Variants in CDA observed in about 807,000 individuals in gnomAD.
The protein encoded by CDA is cytidine deaminase.
CDA carries 7 observed loss-of-function variants against 15.0 expected under a neutral mutation model. The observed-to-expected ratio is 0.47, with a 90% confidence interval of 0.26 to 0.87. The LOEUF (loss-of-function observed/expected upper bound fraction) is 0.87. CDA is among the 40% of genes least tolerant of loss of function. The probability of loss-of-function intolerance (pLI) is 0.15; values close to 1 mark genes in which losing one functional copy is unlikely to be tolerated. For missense variants in CDA, 159 were observed against 182.7 expected (o/e 0.87, Z 0.75); for synonymous variants, 58 against 73.0 (o/e 0.79, Z 1.05).
At chr1:20,605,166 C>G in intron 2 of CDA, 127 bp downstream of exon 2, 1 of 718,960 alleles carries the variant, frequency 1.4e-6, no homozygotes, top group South Asian at 1.5e-5. Context: ...GTGCCAGGCA[C>G]TGTACAGGGC....
At chr1:20,602,317 C>T (rs1266394378) in intron 1 of CDA, among the ~76,000 whole-genome samples, 1 of 152,158 alleles carries the variant, frequency 6.6e-6, no homozygotes, top group African/African-American at 2.4e-5. Flanking sequence ...GCAAAGTTGT[C>T]CTGGAGACCA....
At chr1:20,602,551 G>A (rs372593564) in intron 1 of CDA, among the ~76,000 whole-genome samples, 59 of 152,294 alleles carry the variant, frequency 3.9e-4, no homozygotes, top group African/African-American at 1.2e-3. Flanking sequence ...AGACTACTGA[G>A]TAGCTGGGAC....
Position 20,618,670 on chromosome 1 carries a change from G to A in CDA, c.*102G>A, listed in dbSNP as rs72553955. ...TGCCCAGTGGGCCCCAGCCCTACAGGGACTGGGCAAAGATGATGTTTCCAG... is the reference window on the plus strand; with the variant it reads ...TGCCCAGTGGGCCCCAGCCCTACAGAGACTGGGCAAAGATGATGTTTCCAG... On this transcript the variant is annotated 3_prime_UTR_variant, in exon 4 of 4. Coordinates refer to ENST00000375071, the MANE Select transcript of CDA (RefSeq NM_001785.3). 440 of 785,588 alleles carry A rather than the reference G, an allele frequency of 5.6e-4. 3 individuals are homozygous for A. The African/African-American group carries it at 6.5e-3, about 12-fold the overall frequency. 48.7% of individuals were successfully genotyped at this position (785,588 alleles called of 1,614,324 possible). A position where few individuals can be genotyped will look rare whatever the true frequency, so the allele number is the denominator to read the frequency against.
At chr1:20,602,169 G>T (rs137869861) in intron 1 of CDA, among the ~76,000 whole-genome samples, 2,056 of 149,586 alleles carry the variant, frequency 0.014, 37 homozygotes, top group African/African-American at 0.048. Context: ...GGGAGGGGAG[G>T]GGAGGGGAGG....
chr1:20,617,093 T>G (rs1163825478), intron 3 of CDA, among the ~76,000 whole-genome samples: 1 of 152,186 alleles, frequency 6.6e-6, no homozygotes, highest in East Asian at 1.9e-4. Context: ...GCTCTTGTCA[T>G]GACACCGCTG....
At chr1:20,591,306 A>T (rs367852392) in intron 1 of CDA, among the ~76,000 whole-genome samples, 91 of 152,034 alleles carry the variant, frequency 6.0e-4, no homozygotes, top group African/African-American at 2.1e-3. Flanking sequence ...GTGCCACTGC[A>T]CTCCAGCCTG....
intron 2 of CDA, among the ~76,000 whole-genome samples, chr1:20,607,006 G>A (rs1426166167): frequency 3.9e-5 from 6 of 152,180 alleles, no homozygotes; most frequent in Non-Finnish European, 7.3e-5. Context: ...GAGGCTGCAT[G>A]CCTGTTGGTC....
chr1:20,592,874 C>G (rs2052560579), intron 1 of CDA, among the ~76,000 whole-genome samples: 1 of 152,222 alleles, frequency 6.6e-6, no homozygotes, highest in Non-Finnish European at 1.5e-5. Context: ...TGGAGGATCC[C>G]TTGAGTCCAG....
At chr1:20,616,611 G>A (rs115262985) in intron 3 of CDA, among the ~76,000 whole-genome samples, 56 of 152,266 alleles carry the variant, frequency 3.7e-4, no homozygotes, top group African/African-American at 1.3e-3. Context: ...GCCCCGACGT[G>A]GTCCAATTGC....
At chr1:20,608,613 T>C (rs1239305657) in intron 2 of CDA, among the ~76,000 whole-genome samples, 2 of 152,202 alleles carry the variant, frequency 1.3e-5, no homozygotes, top group Non-Finnish European at 2.9e-5. Flanking sequence ...TTTCACCACG[T>C]TGACCAAGCT....
chr1:20,605,372 A>G (rs2052685314), intron 2 of CDA, among the ~76,000 whole-genome samples: 1 of 152,018 alleles, frequency 6.6e-6, no homozygotes, highest in African/African-American at 2.4e-5. Flanking sequence ...AAGCGGGGGG[A>G]ACCTGAGCCA....
At chr1:20,596,028 A>G (rs542814311) in intron 1 of CDA, among the ~76,000 whole-genome samples, 39 of 152,092 alleles carry the variant, frequency 2.6e-4, no homozygotes, top group Non-Finnish European at 4.3e-4. Context: ...AGGCGCCTGT[A>G]ATCCCAGCTG....
intron 2 of CDA, among the ~76,000 whole-genome samples, chr1:20,609,491 A>G (rs925210878): frequency 1.3e-5 from 2 of 152,186 alleles, no homozygotes; most frequent in Admixed American, 6.5e-5. Flanking sequence ...GTCTCAAAAA[A>G]AAAAAGATTC....
At chr1:20,601,673 C>T (rs977075383) in intron 1 of CDA, among the ~76,000 whole-genome samples, 8 of 152,120 alleles carry the variant, frequency 5.3e-5, no homozygotes, top group African/African-American at 9.7e-5. Context: ...ATCCTGAGAA[C>T]GAGTTAAATG....
In CDA at chr1:20,589,115, G is replaced by GC. The variant is rs761436087; in HGVS notation, c.-12dup. 55 of 1,613,862 alleles carry GC rather than the reference G, an allele frequency of 3.4e-5. No homozygotes were observed. In the Admixed American group the frequency reaches 8.8e-4, roughly 26 times the overall value. On this transcript the variant is annotated 5_prime_UTR_variant, in exon 1 of 4. Transcript: ENST00000375071. ...CCTGTTTCCCGCTGCTCTGCTGCCT[G>GC]CCCGGGGTACCAACATGGCCCAGAA...
At chr1:20,597,510 C>T (rs1277716724) in intron 1 of CDA, among the ~76,000 whole-genome samples, 1 of 152,224 alleles carries the variant, frequency 6.6e-6, no homozygotes, top group African/African-American at 2.4e-5. Context: ...TGCCACCAGC[C>T]TTCACTTTTA....
chr1:20,591,846 TTTG>T (rs201336504), intron 1 of CDA, among the ~76,000 whole-genome samples: 6,863 of 141,320 alleles, frequency 0.049, 347 homozygotes, highest in African/African-American at 0.13. Flanking sequence ...TGGGTTTTTT[TTTG>T]TTTTTTTTTT....
At chr1:20,613,407 G>A (rs1037049898) in intron 2 of CDA, among the ~76,000 whole-genome samples, 6 of 152,126 alleles carry the variant, frequency 3.9e-5, no homozygotes, top group African/African-American at 9.7e-5. Context: ...GTTTTACCAC[G>A]TTGGCCAGGC....
chr1:20,613,978 A>G (rs1462886201), intron 3 of CDA, 79 bp downstream of exon 3: 16 of 1,238,810 alleles, frequency 1.3e-5, no homozygotes, highest in East Asian at 2.3e-5. Context: ...AGTTGCAGGC[A>G]TGGCAGGCAT....
Sources: allele counts gnomAD v4.1 joint callset (sites outside exome capture counted in the v4.1 genomes callset), GRCh38; gene constraint gnomAD v4.1.1; transcripts MANE v1.5; gene names NCBI Gene and HGNC (gene_info 2026-07-23, HGNC 2026-07-21).